Variants in CACNA1E observed in about 807,000 individuals in gnomAD.
The protein encoded by CACNA1E is voltage-dependent R-type calcium channel subunit alpha-1E.
A neutral mutation model predicts 259.2 loss-of-function variants in CACNA1E; 40 were observed. The observed-to-expected ratio is 0.15, with a 90% CI of 0.12 to 0.20. The LOEUF is 0.20. CACNA1E is among the 10% of genes least tolerant of loss of function. The pLI, the probability that CACNA1E is intolerant of heterozygous loss-of-function variation, is 1.00. For synonymous variants in CACNA1E, 1,104 were observed against 1,138.5 expected (o/e 0.97, Z 0.61); for missense variants, 1,874 against 3,040.1 (o/e 0.62, Z 9.02).
chr1:181,365,488 G>A (rs1654205721), intron 1 of CACNA1E, among the ~76,000 whole-genome samples: 1 of 152,230 alleles, frequency 6.6e-6, no homozygotes, highest in South Asian at 2.1e-4. Flanking sequence ...AGCCTTTGAG[G>A]GTTACCTGGC....
chr1:181,380,724 A>C (rs1655399711), intron 1 of CACNA1E, among the ~76,000 whole-genome samples: 1 of 152,242 alleles, frequency 6.6e-6, no homozygotes. Context: ...ATGTGGAAGA[A>C]ATGGAACTCT....
intron 43 of CACNA1E, among the ~76,000 whole-genome samples, chr1:181,788,525 G>T (rs1661034227): frequency 6.6e-6 from 1 of 152,226 alleles, no homozygotes. Context: ...TGGTAGGGGA[G>T]TTGGAGAGAA....
chr1:181,387,460 TG>T (rs1655937009), intron 1 of CACNA1E, among the ~76,000 whole-genome samples: 1 of 152,208 alleles, frequency 6.6e-6, no homozygotes, highest in South Asian at 2.1e-4. Flanking sequence ...TTGCTCTGAA[TG>T]GATTTGGGGG....
In CACNA1E at chr1:181,483,650, G is replaced by A; in HGVS notation, c.-95G>A. 1 of 816,018 alleles carries A rather than the reference G, an allele frequency of 1.2e-6. No individual in the cohort carries two copies. Among genetic ancestry groups the A allele is most frequent in the Non-Finnish European group, 1.8e-6 (1 of 549,046 alleles). 50.5% of individuals were successfully genotyped at this position (816,018 alleles called of 1,614,324 possible). A position where few individuals can be genotyped will look rare whatever the true frequency, so the allele number is the denominator to read the frequency against. ...GTGGTCCCCGTGCTTGTCTGGATGC[G>A]GCTCTGAGTCTCCGTGTGTCTTTCT... On this transcript the variant is annotated 5_prime_UTR_variant, in exon 1 of 48. Coordinates refer to ENST00000367573, the MANE Select transcript of CACNA1E (RefSeq NM_001205293.3).
chr1:181,788,397 G>A (rs146731311), intron 43 of CACNA1E, among the ~76,000 whole-genome samples: 3 of 152,226 alleles, frequency 2.0e-5, no homozygotes, highest in Non-Finnish European at 4.4e-5. Context: ...AGATAGGGTC[G>A]CTCCCTCAAA....
intron 44 of CACNA1E, among the ~76,000 whole-genome samples, chr1:181,791,367 G>A (rs867444924): frequency 1.3e-5 from 2 of 152,204 alleles, no homozygotes. Flanking sequence ...CAGCTACTCA[G>A]GAGGCTGAGG....
chr1:181,755,121 T>C, intron 27 of CACNA1E, 116 bp from the exon 28 acceptor site: 1 of 745,288 alleles, frequency 1.3e-6, no homozygotes, highest in Non-Finnish European at 2.1e-6. Flanking sequence ...GGAAATTCTC[T>C]CCTGGGACAA....
At chr1:181,773,707 G>A (rs551916670) in intron 37 of CACNA1E, among the ~76,000 whole-genome samples, 4 of 152,272 alleles carry the variant, frequency 2.6e-5, no homozygotes, top group South Asian at 2.1e-4. Context: ...TCCAGGAATC[G>A]GTGCTCACTG....
chr1:181,721,999 G>A (rs1654454940), intron 16 of CACNA1E, 124 bp downstream of exon 16: 1 of 661,434 alleles, frequency 1.5e-6, no homozygotes, highest in Non-Finnish European at 2.8e-6. Flanking sequence ...ATTGTTTGGT[G>A]TACTAAAGTA....
At chr1:181,506,762 C>T (rs1413423570) in intron 1 of CACNA1E, among the ~76,000 whole-genome samples, 2 of 152,130 alleles carry the variant, frequency 1.3e-5, no homozygotes, top group East Asian at 3.9e-4. Flanking sequence ...CTTTTTTGTG[C>T]TTTCTTCAGA....
chr1:181,468,124 G>T (rs542378220), intron 2 of CACNA1E, among the ~76,000 whole-genome samples: 1 of 152,296 alleles, frequency 6.6e-6, no homozygotes, highest in South Asian at 2.1e-4. Context: ...CTAACAGAGA[G>T]CACTTCAACC....
chr1:181,754,914 T>C (rs144195729), intron 27 of CACNA1E, among the ~76,000 whole-genome samples: 2 of 152,374 alleles, frequency 1.3e-5, no homozygotes, highest in African/African-American at 4.8e-5. Context: ...ACTTCTATGC[T>C]TCACACTAAG....
In CACNA1E at chr1:181,438,625, A is replaced by G. The variant is rs376022925; in HGVS notation, c.434+25045A>G. Among the ~76,000 whole-genome samples the G allele has an allele frequency of 1.1e-4, 16 of 152,324 alleles. No homozygotes were observed. The East Asian group carries it at 2.7e-3, about 26-fold the overall frequency. On this transcript the variant is annotated intron_variant, in intron 2 of 11. Coordinates refer to the CACNA1E transcript ENST00000524607. ...CCAATATAGAAATACAAATATAAACAATTAGGAGAAATTTATTTATACCCA... is the reference window on the plus strand; with the variant it reads ...CCAATATAGAAATACAAATATAAACGATTAGGAGAAATTTATTTATACCCA...
chr1:181,411,912 G>A (rs1393754929), intron 1 of CACNA1E, among the ~76,000 whole-genome samples: 2 of 152,226 alleles, frequency 1.3e-5, no homozygotes, highest in African/African-American at 2.4e-5. Flanking sequence ...GCCCAGCCAG[G>A]TGTGCCTCTC....
intron 1 of CACNA1E, among the ~76,000 whole-genome samples, chr1:181,506,193 C>T (rs1161114235): frequency 1.3e-5 from 2 of 152,206 alleles, no homozygotes. Flanking sequence ...ACTCGGAGCT[C>T]CCTTTGACCT....
rs1662558452 is a variant in CACNA1E at position 181,805,311 on chromosome 1, T to C, written c.*6477T>C. 6.6e-6 allele frequency: 1 copy of C among 152,252 alleles called. No homozygotes were observed. Among genetic ancestry groups the C allele is most frequent in the Admixed American group, 6.5e-5 (1 of 15,282 alleles). 9.4% of individuals were successfully genotyped at this position (152,252 alleles called of 1,614,324 possible). A position where few individuals can be genotyped will look rare whatever the true frequency, so the allele number is the denominator to read the frequency against. On this transcript the variant is annotated 3_prime_UTR_variant, in exon 48 of 48. Transcript: ENST00000367573. The stretch of plus-strand genomic sequence containing the variant: ...CTTCCAGTACTCTAATTTTTTTTTA[T>C]GGCAATGGCCTATATGGCACAAGAA...
At chr1:181,513,126 T>G (rs2102632202) in intron 3 of CACNA1E, among the ~76,000 whole-genome samples, 1 of 152,370 alleles carries the variant, frequency 6.6e-6, no homozygotes, top group East Asian at 1.9e-4. Flanking sequence ...AGAATCCATT[T>G]GAAATTTCTT....
intron 2 of CACNA1E, among the ~76,000 whole-genome samples, chr1:181,423,900 G>A (rs894718565): frequency 3.3e-5 from 5 of 152,128 alleles, no homozygotes; most frequent in African/African-American, 1.2e-4. Flanking sequence ...ATTTAAATGT[G>A]TATGTTTTTA....
intron 1 of CACNA1E, among the ~76,000 whole-genome samples, chr1:181,333,290 T>C (rs1651424751): frequency 6.6e-6 from 1 of 152,186 alleles, no homozygotes; most frequent in South Asian, 2.1e-4. Context: ...TTTCTCCTCC[T>C]GACTTGCCCT....
Sources: allele counts gnomAD v4.1 joint callset (sites outside exome capture counted in the v4.1 genomes callset), GRCh38; gene constraint gnomAD v4.1.1; transcripts MANE v1.5; gene names NCBI Gene and HGNC (gene_info 2026-07-23, HGNC 2026-07-21).